Variants in WWOX observed in about 807,000 individuals in gnomAD.
WWOX encodes WW domain-containing oxidoreductase.
A neutral mutation model predicts 46.2 loss-of-function variants in WWOX; 69 were observed. The ratio of observed to expected loss-of-function variants is 1.49; its 90% CI spans 1.23 to 1.82. The LOEUF is 1.82. Ranked by LOEUF, WWOX falls within the 40% of genes most tolerant of loss-of-function variation. The pLI, the probability that WWOX is intolerant of heterozygous loss-of-function variation, is 0.00. For synonymous variants in WWOX, 359 were observed against 202.6 expected, an observed-to-expected ratio of 1.77 and a Z score of -6.56; for missense variants, 919 against 542.6, an observed-to-expected ratio of 1.69 and a Z score of -6.89.
intron 1 of WWOX, among the ~76,000 whole-genome samples, chr16:78,101,051 T>C (rs1426874249): frequency 6.6e-6 from 1 of 151,902 alleles, no homozygotes; most frequent in African/African-American, 2.4e-5. Context: ...GGTTTTTCTT[T>C]TTTTTTTTTC....
At chr16:78,694,599 C>T (rs1326385151) in intron 8 of WWOX, among the ~76,000 whole-genome samples, 2 of 152,146 alleles carry the variant, frequency 1.3e-5, no homozygotes. Context: ...TAAATCCAGC[C>T]CATTTATTCA....
intron 8 of WWOX, among the ~76,000 whole-genome samples, chr16:78,884,205 C>T (rs375374704): frequency 7.5e-6 from 1 of 133,684 alleles, no homozygotes; most frequent in Non-Finnish European, 1.5e-5. Flanking sequence ...CCAGGGAGGT[C>T]AAGGCTACAG....
intron 8 of WWOX, among the ~76,000 whole-genome samples, chr16:78,790,128 T>A (rs1447917826): frequency 6.6e-6 from 1 of 152,056 alleles, no homozygotes; most frequent in Admixed American, 6.6e-5. Flanking sequence ...AGGATTATTA[T>A]TTTTTTTAAA....
chr16:78,916,397 A>G (rs753184877), intron 8 of WWOX, among the ~76,000 whole-genome samples: 3 of 152,212 alleles, frequency 2.0e-5, no homozygotes, highest in East Asian at 1.9e-4. Flanking sequence ...AAAGTCAAAC[A>G]TGGGAAGACT....
intron 8 of WWOX, among the ~76,000 whole-genome samples, chr16:78,458,374 C>A (rs559937282): frequency 6.6e-6 from 1 of 151,760 alleles, no homozygotes. Flanking sequence ...AATCCTCTGG[C>A]CTCAGCCTCC....
At chr16:78,433,811 A>G (rs1282478813) in intron 8 of WWOX, among the ~76,000 whole-genome samples, 2 of 90,554 alleles carry the variant, frequency 2.2e-5, no homozygotes, top group African/African-American at 4.3e-5. Flanking sequence ...TTTTTTTGAG[A>G]CGGAGTCTCG....
intron 8 of WWOX, among the ~76,000 whole-genome samples, chr16:78,441,350 C>G (rs910037209): frequency 6.6e-6 from 1 of 152,142 alleles, no homozygotes; most frequent in Non-Finnish European, 1.5e-5. Context: ...TGAAAGATGA[C>G]CAGGTGCTGA....
At chr16:78,421,331 C>G (rs1204038965) in intron 6 of WWOX, among the ~76,000 whole-genome samples, 3 of 152,028 alleles carry the variant, frequency 2.0e-5, no homozygotes, top group Admixed American at 1.3e-4. Flanking sequence ...GCCAGCCACC[C>G]TTGGAATTTC....
intron 8 of WWOX, among the ~76,000 whole-genome samples, chr16:79,142,676 A>T (rs2050112477): frequency 6.6e-6 from 1 of 152,166 alleles, no homozygotes; most frequent in East Asian, 1.9e-4. Context: ...GAAATATAAG[A>T]AGTGCCTGGA....
At chr16:79,129,322 A>T (rs1020423037) in intron 8 of WWOX, among the ~76,000 whole-genome samples, 1 of 149,934 alleles carries the variant, frequency 6.7e-6, no homozygotes, top group South Asian at 2.2e-4. Flanking sequence ...ACACTTCCTG[A>T]TATGTTCGTT....
At chr16:78,278,731 T>C (rs2079625446) in intron 5 of WWOX, 4 of 1,415,328 alleles carry the variant, frequency 2.8e-6, no homozygotes, top group Non-Finnish European at 3.9e-6. Flanking sequence ...TTCCTGGTCT[T>C]TTCATGTTTT....
At chr16:78,776,806 G>A (rs538821942) in intron 8 of WWOX, among the ~76,000 whole-genome samples, 2 of 152,136 alleles carry the variant, frequency 1.3e-5, no homozygotes, top group African/African-American at 4.8e-5. Context: ...AAAGAGGGAG[G>A]GAGGAAACCA....
At chr16:79,075,949 G>C (rs779801760) in intron 8 of WWOX, among the ~76,000 whole-genome samples, 1 of 152,140 alleles carries the variant, frequency 6.6e-6, no homozygotes, top group Non-Finnish European at 1.5e-5. Flanking sequence ...CTCTAACGTT[G>C]GATCATGTGT....
rs1302156478 is a variant in WWOX at position 78,859,000 on chromosome 16, TTAAAAAA to T, written c.1057-352607_1057-352601del. 9.5e-3 allele frequency among the ~76,000 whole-genome samples: 757 copies of T among 79,416 alleles called. 18 individuals are homozygous for T. Among genetic ancestry groups the T allele is most frequent in the East Asian group, 0.012 (23 of 1,914 alleles). 52.1% of individuals were successfully genotyped at this position (79,416 alleles called of 152,430 possible). On this transcript the variant is annotated intron_variant, in intron 8 of 8. Coordinates refer to ENST00000566780, the MANE Select transcript of WWOX (RefSeq NM_016373.4). ...GGCCAATATCTACTAGTTTTGAAAT[TTAAAAAA>T]AAAAAAAAAAAAAAAAAAAAATATA...
chr16:78,407,565 T>G (rs2082576518), intron 6 of WWOX, among the ~76,000 whole-genome samples: 1 of 152,172 alleles, frequency 6.6e-6, no homozygotes, highest in Non-Finnish European at 1.5e-5. Context: ...GCTCCTAGAC[T>G]CTTTAAAGCA....
chr16:78,132,871 C>G (rs1294119036), intron 4 of WWOX, among the ~76,000 whole-genome samples: 1 of 152,156 alleles, frequency 6.6e-6, no homozygotes, highest in Non-Finnish European at 1.5e-5. Flanking sequence ...CTTATTTGCT[C>G]CATTCCATTT....
chr16:79,191,798 A>G (rs950346017), intron 8 of WWOX, among the ~76,000 whole-genome samples: 8 of 152,190 alleles, frequency 5.3e-5, no homozygotes, highest in African/African-American at 1.7e-4. Context: ...ATAAATGTCT[A>G]TTTAAAAAAA....
chr16:78,338,450 C>G (rs2080942208), intron 5 of WWOX, among the ~76,000 whole-genome samples: 1 of 120,968 alleles, frequency 8.3e-6, no homozygotes, highest in South Asian at 2.5e-4. Context: ...GACAAAATGT[C>G]TTTATGTTAA....
chr16:78,738,052 G>A (rs1165688854), intron 8 of WWOX, among the ~76,000 whole-genome samples: 1 of 152,156 alleles, frequency 6.6e-6, no homozygotes, highest in African/African-American at 2.4e-5. Flanking sequence ...GCAAGTCAAG[G>A]TGGGCTCCTA....
Sources: allele counts gnomAD v4.1 joint callset (sites outside exome capture counted in the v4.1 genomes callset), GRCh38; gene constraint gnomAD v4.1.1; transcripts MANE v1.5; gene names NCBI Gene and HGNC (gene_info 2026-07-23, HGNC 2026-07-21).